The following DENND1A variants were observed in gnomAD, a reference collection of about 807,000 sequenced individuals.
The protein encoded by DENND1A is DENN domain-containing protein 1A.
DENND1A carries 51 observed loss-of-function variants against 113.7 expected under a neutral mutation model. That is an observed-to-expected ratio of 0.45 (90% CI 0.36 to 0.57). The LOEUF (loss-of-function observed/expected upper bound fraction) is 0.57, where lower values mean the gene tolerates loss of function less well. Ranked by LOEUF, DENND1A falls within the 20% of genes least tolerant of loss-of-function variation. The probability of loss-of-function intolerance (pLI) is 0.00; values close to 1 mark genes in which losing one functional copy is unlikely to be tolerated. For missense variants in DENND1A, 1,258 were observed against 1,395.9 expected, an observed-to-expected ratio of 0.90 and a Z score of 1.57; for synonymous variants, 565 against 570.8, an observed-to-expected ratio of 0.99 and a Z score of 0.14.
At chr9:123,435,402 C>A (rs1437002301) in intron 19 of DENND1A, among the ~76,000 whole-genome samples, 1 of 152,188 alleles carries the variant, frequency 6.6e-6, no homozygotes, top group East Asian at 1.9e-4. Flanking sequence ...GTTCCTGGGG[C>A]TGCTATCCAG....
chr9:123,766,416 C>A lies in DENND1A; in HGVS notation c.182+3098G>T, dbSNP rs182873813. On this transcript the variant is annotated intron_variant, in intron 4 of 23. Coordinates refer to ENST00000394215, the MANE Select transcript of DENND1A (RefSeq NM_001352964.2). ...CAACACAATGCTCTACATCCTGAAC[C>A]TTCCTTTGCTCTTTTGTAAAAAAGA... 3.1e-3 allele frequency among the ~76,000 whole-genome samples: 477 copies of A among 152,290 alleles called. 1 individual carries two copies. Among genetic ancestry groups the A allele is most frequent in the Non-Finnish European group, 5.2e-3 (356 of 68,020 alleles).
chr9:123,639,039 T>TAAAAAAAAAAAAAAAAAAAAAA (rs750972974), intron 9 of DENND1A, among the ~76,000 whole-genome samples: 22 of 32,098 alleles, frequency 6.9e-4, no homozygotes, highest in Non-Finnish European at 8.9e-4. Context: ...GCATGAGTAG[T>TAAAAAAAAAAAAAAAAAAAAAA]AAAAAAAAAA....
intron 1 of DENND1A, among the ~76,000 whole-genome samples, chr9:123,901,326 T>C (rs1391674337): frequency 2.6e-5 from 4 of 152,180 alleles, no homozygotes; most frequent in Non-Finnish European, 5.9e-5. Context: ...GCTAGATATT[T>C]GCATTTAGGA....
chr9:123,482,402 A>T (rs567449539), intron 13 of DENND1A, among the ~76,000 whole-genome samples: 4 of 152,272 alleles, frequency 2.6e-5, no homozygotes, highest in Admixed American at 6.5e-5. Context: ...CCGGCCCATT[A>T]TCTTTATTTT....
intron 13 of DENND1A, among the ~76,000 whole-genome samples, chr9:123,552,061 G>C (rs992184306): frequency 6.6e-6 from 1 of 152,002 alleles, no homozygotes; most frequent in Non-Finnish European, 1.5e-5. Flanking sequence ...GAGAGAGAGA[G>C]AGAGAGAGGC....
chr9:123,615,222 A>G (rs893698954), intron 10 of DENND1A, among the ~76,000 whole-genome samples: 1 of 152,242 alleles, frequency 6.6e-6, no homozygotes, highest in African/African-American at 2.4e-5. Context: ...GATTCTCACC[A>G]TAGCAGCATA....
At chr9:123,460,781 T>A (rs1028835058) in intron 13 of DENND1A, among the ~76,000 whole-genome samples, 13 of 152,192 alleles carry the variant, frequency 8.5e-5, no homozygotes, top group Non-Finnish European at 1.8e-4. Flanking sequence ...CTGGCTAGAG[T>A]GCTTTCTAAA....
chr9:123,742,996 G>C (rs1474823878), intron 5 of DENND1A, among the ~76,000 whole-genome samples: 1 of 152,112 alleles, frequency 6.6e-6, no homozygotes, highest in African/African-American at 2.4e-5. Context: ...TACATCAATG[G>C]TGCAGTGTAT....
chr9:123,879,910 T>G (rs1270796236), intron 1 of DENND1A, among the ~76,000 whole-genome samples: 1 of 152,244 alleles, frequency 6.6e-6, no homozygotes, highest in East Asian at 1.9e-4. Context: ...GTTCACGATC[T>G]TCAGGATTCA....
At position 123,380,701 on chromosome 9, in the gene DENND1A, G is replaced by A. The variant is rs950098473; in HGVS notation, c.*731C>T. The A allele has an allele frequency of 6.6e-6, 1 of 151,100 alleles. No homozygotes were observed. Among genetic ancestry groups the A allele is most frequent in the Middle Eastern group, 3.4e-3 (1 of 290 alleles). 9.4% of individuals were successfully genotyped at this position (151,100 alleles called of 1,614,324 possible). On this transcript the variant is annotated 3_prime_UTR_variant, in exon 24 of 24. Transcript: ENST00000394215. ...GGGGCTCCTCCCAAAATACTCAGAT[G>A]GGGGTTTCCATTTTCCTTCTATAAA...
intron 19 of DENND1A, among the ~76,000 whole-genome samples, chr9:123,416,942 C>A (rs1397943894): frequency 1.3e-5 from 2 of 152,208 alleles, no homozygotes; most frequent in African/African-American, 4.8e-5. Flanking sequence ...AAAATAACTT[C>A]TTAAAGTGAA....
chr9:123,625,831 T>C (rs1482165361), intron 10 of DENND1A, among the ~76,000 whole-genome samples: 1 of 152,148 alleles, frequency 6.6e-6, no homozygotes, highest in African/African-American at 2.4e-5. Context: ...GCTCTACCAA[T>C]CCCTGCAGAA....
chr9:123,522,490 T>C (rs1310936132), intron 13 of DENND1A, among the ~76,000 whole-genome samples: 1 of 152,164 alleles, frequency 6.6e-6, no homozygotes, highest in African/African-American at 2.4e-5. Context: ...CAGCCACACA[T>C]AGTAAAGTGG....
chr9:123,915,097 T>C (rs1322455131), intron 1 of DENND1A, among the ~76,000 whole-genome samples: 1 of 152,134 alleles, frequency 6.6e-6, no homozygotes, highest in East Asian at 1.9e-4. Context: ...CATGATCTCC[T>C]GGGCTGCTCT....
At chr9:123,494,361 C>A (rs1202776003) in intron 13 of DENND1A, among the ~76,000 whole-genome samples, 2 of 152,284 alleles carry the variant, frequency 1.3e-5, no homozygotes, top group East Asian at 3.9e-4. Flanking sequence ...CCCGCACCCT[C>A]TTGGATCAAA....
chr9:123,437,875 C>A (rs1397038528), intron 19 of DENND1A: 2 of 152,082 alleles, frequency 1.3e-5, no homozygotes, highest in Admixed American at 6.5e-5. Flanking sequence ...ATTAGGGCTA[C>A]GTGAGTGCAT....
At chr9:123,822,401 T>C (rs1490472224) in intron 2 of DENND1A, among the ~76,000 whole-genome samples, 2 of 152,084 alleles carry the variant, frequency 1.3e-5, no homozygotes, top group Non-Finnish European at 2.9e-5. Flanking sequence ...GAAGTAAAAA[T>C]TACTTTGAAA....
chr9:123,882,856 T>C (rs72757149), intron 1 of DENND1A, among the ~76,000 whole-genome samples: 2,326 of 152,246 alleles, frequency 0.015, 22 homozygotes, highest in Non-Finnish European at 0.024. Flanking sequence ...GTGGTTAAGA[T>C]GGGAAGTCTT....
At chr9:123,534,005 A>T (rs1275088476) in intron 13 of DENND1A, among the ~76,000 whole-genome samples, 2 of 152,226 alleles carry the variant, frequency 1.3e-5, no homozygotes, top group African/African-American at 4.8e-5. Flanking sequence ...GAAAGACAAG[A>T]TTTGGAAATT....
Sources: allele counts gnomAD v4.1 joint callset (sites outside exome capture counted in the v4.1 genomes callset), GRCh38; gene constraint gnomAD v4.1.1; transcripts MANE v1.5; gene names NCBI Gene and HGNC (gene_info 2026-07-23, HGNC 2026-07-21).